The following FAP variants were observed in gnomAD, a reference collection of about 807,000 sequenced individuals.
The protein encoded by FAP is prolyl endopeptidase FAP.
Under a neutral mutation model 126.5 loss-of-function variants are expected in FAP, and 110 were observed. The observed-to-expected ratio is 0.87, with a 90% CI of 0.74 to 1.02. The LOEUF (loss-of-function observed/expected upper bound fraction) is 1.02. FAP is among the 50% of genes least tolerant of loss of function. The pLI, the probability that FAP is intolerant of heterozygous loss-of-function variation, is 0.00. For missense variants in FAP, 919 were observed against 909.2 expected (o/e 1.01, Z -0.14); for synonymous variants, 334 against 297.3 (o/e 1.12, Z -1.27).
chr2:162,225,356 C>G, intron 4 of FAP, 127 bp downstream of exon 4: 2 of 1,197,894 alleles, frequency 1.7e-6, no homozygotes, highest in Admixed American at 6.1e-5. Flanking sequence ...CGGGAAGACT[C>G]TAGTGGAGTA....
At chr2:162,242,240 A>G (rs1225650641) in intron 2 of FAP, among the ~76,000 whole-genome samples, 1 of 152,144 alleles carries the variant, frequency 6.6e-6, no homozygotes, top group Non-Finnish European at 1.5e-5. Flanking sequence ...CCTACTTTAT[A>G]TTTAAACTAG....
At chr2:162,202,964 G>A in intron 13 of FAP, 22 bp from the exon 14 acceptor site, 1 of 1,608,558 alleles carries the variant, frequency 6.2e-7, no homozygotes, top group Non-Finnish European at 8.5e-7. Flanking sequence ...CAAACATTAT[G>A]TTGTGTGAAA....
chr2:162,232,080 C>G (rs919789867), intron 2 of FAP, among the ~76,000 whole-genome samples: 10 of 151,620 alleles, frequency 6.6e-5, no homozygotes, highest in Non-Finnish European at 1.0e-4. Context: ...GGGGCAAGGA[C>G]AGGAAGTATT....
At chr2:162,206,538 G>A (rs1465502946) in intron 12 of FAP, among the ~76,000 whole-genome samples, 1 of 151,956 alleles carries the variant, frequency 6.6e-6, no homozygotes, top group Non-Finnish European at 1.5e-5. Flanking sequence ...TTTGAACCAA[G>A]GGATTTTGCC....
At chr2:162,235,503 G>T (rs1266163150) in intron 2 of FAP, among the ~76,000 whole-genome samples, 1 of 152,188 alleles carries the variant, frequency 6.6e-6, no homozygotes, top group African/African-American at 2.4e-5. Context: ...CTAGCTCAGG[G>T]TTTGTAAATA....
At chr2:162,182,239 T>G (rs1444169394) in intron 21 of FAP, among the ~76,000 whole-genome samples, 1 of 152,216 alleles carries the variant, frequency 6.6e-6, no homozygotes, top group African/African-American at 2.4e-5. Context: ...TTTATGGTTA[T>G]TTCAAAGCCT....
rs1330326419 is a variant in FAP, at chr2:162,189,130, G to A, written c.1592C>T (p.Ser531Leu). Residue 531 changes from serine (S) to leucine (L), a missense_variant, in exon 19 of 26, where the codon TCA (serine) becomes TTA (leucine). Physicochemically the swap from Ser to Leu is moderately radical, Grantham distance 145. Transcript: ENST00000188790. ...TTGAATTAGCAAGGGATACTTCTTT[G>A]ATCTGTCAAATTGAGGAGGAAGAAT... The part of the protein sequence containing the change: ...KMILPPQFDR[S>L]KKYPLLIQVY... 2 of 1,601,888 alleles carry A rather than the reference G, an allele frequency of 1.2e-6. No individual in the cohort carries two copies. Among genetic ancestry groups the A allele is most frequent in the Non-Finnish European group, 1.7e-6 (2 of 1,173,154 alleles).
chr2:162,218,030 C>T lies in FAP; in HGVS notation c.718G>A (p.Gly240Ser). ...ATTGTTCTAGGATATTGTTCATCGC[C>T]ATAATAGGAATAGGCAATAACTGGT... ...DIPVIAYSYYGDEQYPRTINI... is the reference protein window; with the variant it reads ...DIPVIAYSYYSDEQYPRTINI... The change falls in exon 9 of 26, where the codon GGC becomes AGC. Residue 240 changes from glycine (G) to serine (S), a missense_variant. Gly to Ser is a moderately conservative substitution (Grantham distance 56). Transcript: ENST00000188790. 1.2e-6 allele frequency: 2 copies of T among 1,603,690 alleles called. No individual in the cohort carries two copies. Among genetic ancestry groups the T allele is most frequent in the Non-Finnish European group, 1.7e-6 (2 of 1,175,000 alleles).
intron 2 of FAP, among the ~76,000 whole-genome samples, chr2:162,227,272 A>C (rs1689695027): frequency 6.6e-6 from 1 of 152,196 alleles, no homozygotes; most frequent in African/African-American, 2.4e-5. Context: ...AAAATATCTT[A>C]GAAATTCCAA....
intron 2 of FAP, among the ~76,000 whole-genome samples, chr2:162,227,552 TC>T (rs1014169930): frequency 6.6e-6 from 1 of 152,162 alleles, no homozygotes; most frequent in East Asian, 1.9e-4. Context: ...TATAGGAAGA[TC>T]CTATACCTTG....
chr2:162,217,934 G>A, intron 9 of FAP, 52 bp downstream of exon 9: 1 of 1,406,404 alleles, frequency 7.1e-7, no homozygotes, highest in Non-Finnish European at 9.7e-7. Flanking sequence ...GTAAATCATT[G>A]CTCATTTTGA....
At chr2:162,197,357 T>C (rs1688294507) in intron 16 of FAP, among the ~76,000 whole-genome samples, 1 of 152,200 alleles carries the variant, frequency 6.6e-6, no homozygotes, top group South Asian at 2.1e-4. Flanking sequence ...AGCTCAATGA[T>C]ACTATGTGCC....
rs200474219 is a variant in FAP at position 162,213,941 on chromosome 2, T to G, written c.999A>C (p.Pro333=). 4.3e-6 allele frequency: 7 copies of G among 1,613,114 alleles called. No individual in the cohort carries two copies. Among genetic ancestry groups the G allele is most frequent in the Middle Eastern group, 1.6e-4 (1 of 6,074 alleles). ...CTGTGATCTTAATATACCCTACCTT[T>G]GGACAATCCCATGTCTGCCAGTCTT... The part of the protein sequence containing the change: ...FREDWQTWDC[P]KTQEHIEESR... Residue 333 remains proline, a synonymous_variant, in exon 11 of 26, where the codon CCA becomes CCC. Coordinates refer to ENST00000188790, the MANE Select transcript of FAP (RefSeq NM_004460.5).
chr2:162,238,060 T>C (rs193174310), intron 2 of FAP, among the ~76,000 whole-genome samples: 103 of 152,234 alleles, frequency 6.8e-4, no homozygotes, highest in African/African-American at 2.2e-3. Context: ...TTTTTTCTTG[T>C]AAATTTGTTT....
chr2:162,218,205 T>A, intron 8 of FAP, 65 bp from the exon 9 acceptor site: 3 of 1,028,192 alleles, frequency 2.9e-6, no homozygotes, highest in Non-Finnish European at 4.2e-6. Context: ...TTGTAAATAC[T>A]TCTAAATAGC....
rs756767468 is a variant in FAP at position 162,173,232 on chromosome 2, GA to G, written c.2035-12del. ...CATCACAGTTGAATTCTGGAAAAGAGAAAAAAATTAACATTTTAGTTGCTGC... is the reference window on the plus strand; with the variant it reads ...CATCACAGTTGAATTCTGGAAAAGAGAAAAAATTAACATTTTAGTTGCTGC... On this transcript the variant is annotated splice_polypyrimidine_tract_variant and intron_variant, in intron 23 of 25. Coordinates refer to ENST00000188790, the MANE Select transcript of FAP (RefSeq NM_004460.5). 1.9e-6 allele frequency: 3 copies of G among 1,608,232 alleles called. No homozygotes were observed. The highest frequency in any genetic ancestry group is 2.7e-5 in the African/African-American group (2 of 74,792).
At chr2:162,193,060 T>C (rs924788102) in intron 17 of FAP, among the ~76,000 whole-genome samples, 2 of 152,146 alleles carry the variant, frequency 1.3e-5, no homozygotes, top group Non-Finnish European at 2.9e-5. Flanking sequence ...TATCTCTTTA[T>C]TTTATAGATA....
chr2:162,220,348 C>A (rs1326878439), intron 6 of FAP, among the ~76,000 whole-genome samples: 2 of 152,164 alleles, frequency 1.3e-5, no homozygotes, highest in Non-Finnish European at 2.9e-5. Flanking sequence ...GTCCTTTTAA[C>A]CCCTGGGATT....
At chr2:162,185,776 G>A (rs1451030637) in intron 20 of FAP, among the ~76,000 whole-genome samples, 2 of 151,994 alleles carry the variant, frequency 1.3e-5, no homozygotes, top group Non-Finnish European at 2.9e-5. Flanking sequence ...GCAATTTAAG[G>A]GCTACAGTAG....
Sources: gnomAD v4.1 joint callset for allele counts (sites outside exome capture counted in the v4.1 genomes callset) on GRCh38, gnomAD v4.1.1 for gene constraint, MANE v1.5 for transcripts, NCBI Gene and HGNC (gene_info 2026-07-23, HGNC 2026-07-21) for gene names.